Variants in KIAA0825 observed in about 807,000 individuals in gnomAD.
KIAA0825 encodes KIAA0825.
KIAA0825 carries 119 observed loss-of-function variants against 147.6 expected under a neutral mutation model. The ratio of observed to expected loss-of-function variants is 0.81; its 90% CI spans 0.69 to 0.94. The LOEUF is 0.94. KIAA0825 is among the 40% of genes least tolerant of loss of function. KIAA0825 has a pLI of 0.00. For synonymous variants in KIAA0825, 470 were observed against 518.1 expected (o/e 0.91, Z 1.26); for missense variants, 1,381 against 1,472.7 (o/e 0.94, Z 1.02).
At chr5:94,181,583 A>G (rs1191029460) in intron 20 of KIAA0825, among the ~76,000 whole-genome samples, 1 of 152,232 alleles carries the variant, frequency 6.6e-6, no homozygotes, top group Non-Finnish European at 1.5e-5. Flanking sequence ...TAGGAATGCC[A>G]ATGAAATTAG....
intron 20 of KIAA0825, among the ~76,000 whole-genome samples, chr5:94,304,737 T>C (rs1778620618): frequency 6.6e-6 from 1 of 152,032 alleles, no homozygotes; most frequent in African/African-American, 2.4e-5. Context: ...ATTTGAATAC[T>C]AAATTAACCA....
intron 14 of KIAA0825, among the ~76,000 whole-genome samples, chr5:94,422,497 GA>G (rs1754322422): frequency 6.6e-6 from 1 of 152,076 alleles, no homozygotes; most frequent in Non-Finnish European, 1.5e-5. Context: ...ATGTAAAATT[GA>G]TATTAAATAC....
intron 13 of KIAA0825, among the ~76,000 whole-genome samples, chr5:94,450,854 T>C (rs1175808733): frequency 6.6e-6 from 1 of 152,224 alleles, no homozygotes; most frequent in Non-Finnish European, 1.5e-5. Flanking sequence ...TGATTTTTCA[T>C]GTACACCTGT....
chr5:94,511,954 A>G (rs1766546503), intron 5 of KIAA0825, among the ~76,000 whole-genome samples: 1 of 152,050 alleles, frequency 6.6e-6, no homozygotes, highest in Non-Finnish European at 1.5e-5. Flanking sequence ...GCACCACTGC[A>G]CTCCAGCCTG....
intron 19 of KIAA0825, 98 bp downstream of exon 19, chr5:94,386,144 A>G (rs1010973429): frequency 9.0e-7 from 1 of 1,107,236 alleles, no homozygotes. Context: ...CTTCCTAGCA[A>G]AATAAGCTTA....
rs142509330 is a variant in KIAA0825, at chr5:94,215,980, A to C, written c.3711-61856T>G. Among the ~76,000 whole-genome samples the C allele has an allele frequency of 8.8e-4, 134 of 152,250 alleles. 1 individual carries two copies. Among genetic ancestry groups the C allele is most frequent in the African/African-American group, 3.2e-3 (131 of 41,544 alleles). ...TCCTGGCACTTCAGATTCAGTGTTCATACTAGTACTTATTATCTCACTGCC... is the reference window on the plus strand; with the variant it reads ...TCCTGGCACTTCAGATTCAGTGTTCCTACTAGTACTTATTATCTCACTGCC... On this transcript the variant is annotated intron_variant, in intron 20 of 20. Transcript: ENST00000682413.
In KIAA0825 at chr5:94,484,712, G is replaced by A. The variant is rs992888123; in HGVS notation, c.1132+57C>T. On this transcript the variant is annotated intron_variant, in intron 6 of 20. Coordinates refer to ENST00000682413, the MANE Select transcript of KIAA0825 (RefSeq NM_001145678.3). The stretch of plus-strand genomic sequence containing the variant: ...TAATCGTTTTCATTCAAAGCAGCAG[G>A]AAGCAAAAACACAGAGAAATTATAG... 5 of 1,199,246 alleles carry A rather than the reference G, an allele frequency of 4.2e-6. No individual in the cohort carries two copies. In the African/African-American group the frequency reaches 6.2e-5, roughly 15 times the overall value. 74.3% of individuals were successfully genotyped at this position (1,199,246 alleles called of 1,614,324 possible).
intron 20 of KIAA0825, among the ~76,000 whole-genome samples, chr5:94,161,989 G>A (rs559306724): frequency 1.3e-5 from 2 of 152,256 alleles, no homozygotes; most frequent in South Asian, 2.1e-4. Context: ...CCCAAGCTGA[G>A]GCCACTTAAT....
chr5:94,330,323 G>A (rs371001703), intron 20 of KIAA0825, among the ~76,000 whole-genome samples: 24 of 152,186 alleles, frequency 1.6e-4, no homozygotes, highest in African/African-American at 4.3e-4. Context: ...ATTCTGGGCC[G>A]TATAACAAAA....
chr5:94,269,910 A>G (rs1776907355), intron 20 of KIAA0825, among the ~76,000 whole-genome samples: 1 of 152,090 alleles, frequency 6.6e-6, no homozygotes, highest in Non-Finnish European at 1.5e-5. Flanking sequence ...TAGCCTGGCT[A>G]AATAAGAAAA....
chr5:94,554,715 ACTAT>A (rs1264637602), intron 2 of KIAA0825, among the ~76,000 whole-genome samples: 129 of 75,348 alleles, frequency 1.7e-3, no homozygotes, highest in Admixed American at 4.5e-3. Flanking sequence ...TGTTCTGTGT[ACTAT>A]ATATATATAT....
In KIAA0825 at chr5:94,153,839, G is replaced by A. The variant is rs1766786711; in HGVS notation, c.*168C>T. On this transcript the variant is annotated 3_prime_UTR_variant, in exon 21 of 21. Transcript: ENST00000682413. ...AATTATTTTTAAAATAAAAAAATAT[G>A]TAGCACCTTATCCTTTATGTGCTGT... 4.3e-6 allele frequency: 2 copies of A among 462,856 alleles called. No homozygotes were observed. Among genetic ancestry groups the A allele is most frequent in the Admixed American group, 3.7e-5 (1 of 27,166 alleles). 28.7% of individuals were successfully genotyped at this position (462,856 alleles called of 1,614,324 possible).
chr5:94,462,206 A>C (rs987499790), intron 12 of KIAA0825, among the ~76,000 whole-genome samples, 181 bp downstream of exon 12: 1 of 151,928 alleles, frequency 6.6e-6, no homozygotes, highest in African/African-American at 2.4e-5. Flanking sequence ...AATTGCATCG[A>C]GAATTATGAA....
At chr5:94,395,890 G>A (rs1007614477) in intron 17 of KIAA0825, among the ~76,000 whole-genome samples, 2 of 152,134 alleles carry the variant, frequency 1.3e-5, no homozygotes, top group Non-Finnish European at 2.9e-5. Flanking sequence ...ATGTTCCAGT[G>A]TGTCAATGGG....
At chr5:94,236,691 T>G (rs1046564401) in intron 20 of KIAA0825, among the ~76,000 whole-genome samples, 1 of 152,182 alleles carries the variant, frequency 6.6e-6, no homozygotes, top group East Asian at 1.9e-4. Flanking sequence ...TTCATTGTTC[T>G]CTTATTTAAG....
chr5:94,205,426 C>A (rs1189344220), intron 20 of KIAA0825, among the ~76,000 whole-genome samples: 2 of 151,172 alleles, frequency 1.3e-5, no homozygotes, highest in Non-Finnish European at 3.0e-5. Context: ...CTCAGCCTCC[C>A]GAGTAGCTGG....
chr5:94,567,149 T>A (rs748928664), intron 2 of KIAA0825, among the ~76,000 whole-genome samples: 1 of 152,202 alleles, frequency 6.6e-6, no homozygotes, highest in Non-Finnish European at 1.5e-5. Flanking sequence ...AAATCTTGCA[T>A]GTAATTTGAG....
At position 94,615,318 on chromosome 5, in the gene KIAA0825, T is replaced by C. The variant is rs140917235; in HGVS notation, c.-153+3182A>G. On this transcript the variant is annotated intron_variant, in intron 1 of 20. Transcript: ENST00000682413. ...TAATATAATCCATCAAACTCCTATA[T>C]GTTATAGATGAGAAACATGATACCC... 1.4e-4 allele frequency among the ~76,000 whole-genome samples: 22 copies of C among 152,282 alleles called. No homozygotes were observed. In the East Asian group the frequency reaches 4.1e-3, roughly 28 times the overall value.
intron 20 of KIAA0825, among the ~76,000 whole-genome samples, chr5:94,240,246 A>G (rs955639633): frequency 6.6e-6 from 1 of 152,228 alleles, no homozygotes; most frequent in Non-Finnish European, 1.5e-5. Flanking sequence ...AAAGCCAGCA[A>G]ATAATGGCTG....
Sources: allele counts gnomAD v4.1 joint callset (sites outside exome capture counted in the v4.1 genomes callset), GRCh38; gene constraint gnomAD v4.1.1; transcripts MANE v1.5; gene names NCBI Gene and HGNC (gene_info 2026-07-23, HGNC 2026-07-21).